ECT2L: variants seen among roughly 807,000 people sequenced by gnomAD.
The protein encoded by ECT2L is epithelial cell transforming 2 like, also known as epithelial cell-transforming sequence 2 oncogene-like.
In ECT2L, 126 loss-of-function variants were observed where a neutral mutation model predicts 122.8. The ratio of observed to expected loss-of-function variants is 1.03; its 90% CI spans 0.89 to 1.19. The LOEUF is 1.19. Among genes scored for constraint, ECT2L ranks in the 50% most tolerant of loss-of-function variants. The pLI is 0.00. For missense variants in ECT2L, 1,012 were observed against 1,064.1 expected (o/e 0.95, Z 0.68); for synonymous variants, 385 against 381.8 (o/e 1.01, Z -0.10).
In ECT2L at chr6:138,798,835, G is replaced by A. The variant is rs540010489; in HGVS notation, c.-244+2643G>A. On this transcript the variant is annotated intron_variant, in intron 1 of 21. Transcript: ENST00000541398. The stretch of plus-strand genomic sequence containing the variant: ...AGACAAGAATGAAAACCTAACTTAG[G>A]AGTATGTGCCTGTAATAATCGCTGA... Among the ~76,000 whole-genome samples, 81 of 152,298 alleles carry A rather than the reference G, an allele frequency of 5.3e-4. No individual in the cohort carries two copies. In the Middle Eastern group the frequency reaches 0.014, roughly 26 times the overall value.
chr6:138,841,407 C>A (rs1777035987), intron 5 of ECT2L, among the ~76,000 whole-genome samples: 1 of 152,208 alleles, frequency 6.6e-6, no homozygotes, highest in Admixed American at 6.5e-5. Flanking sequence ...GTGCTAGGAA[C>A]AAATCCTACA....
rs1167393701 is a variant in ECT2L at position 138,903,044 on chromosome 6, G to C, written c.*417G>C. Reference sequence around the variant, plus strand: ...GATTTACCATTTTTAACATTTTCATGAAACAATTATTGATTTAAAATATGG... The same window carrying C: ...GATTTACCATTTTTAACATTTTCATCAAACAATTATTGATTTAAAATATGG... On this transcript the variant is annotated 3_prime_UTR_variant, in exon 22 of 22. Transcript: ENST00000541398. 1 of 167,862 alleles carries C rather than the reference G, an allele frequency of 6.0e-6. No individual in the cohort carries two copies. The highest frequency in any genetic ancestry group is 1.3e-5 in the Non-Finnish European group (1 of 79,384). The allele number at this position is 167,862 out of a possible 1,614,324, so 10.4% of individuals were successfully genotyped here.
intron 19 of ECT2L, among the ~76,000 whole-genome samples, chr6:138,887,161 G>C (rs1002405145): frequency 6.6e-6 from 1 of 151,996 alleles, no homozygotes; most frequent in Non-Finnish European, 1.5e-5. Context: ...CTCCTTTATT[G>C]GTATTACTGT....
intron 9 of ECT2L, among the ~76,000 whole-genome samples, chr6:138,851,013 A>AAAAAAAAAAAAAAAAAAAAAG (rs1562474231): frequency 6.7e-6 from 1 of 148,228 alleles, no homozygotes; most frequent in African/African-American, 2.6e-5. Flanking sequence ...AAAAAAAAAA[A>AAAAAAAAAAAAAAAAAAAAAG]AAAAAAAAAA....
intron 8 of ECT2L, among the ~76,000 whole-genome samples, chr6:138,847,929 C>G (rs1777293807): frequency 6.6e-6 from 1 of 152,156 alleles, no homozygotes; most frequent in Non-Finnish European, 1.5e-5. Context: ...CTCACAGTTT[C>G]ACGTGGCAAG....
chr6:138,893,793 T>C (rs1779119739), intron 20 of ECT2L, among the ~76,000 whole-genome samples: 1 of 152,078 alleles, frequency 6.6e-6, no homozygotes, highest in Non-Finnish European at 1.5e-5. Flanking sequence ...ACTCACACCA[T>C]TGTGTGAGCC....
chr6:138,832,086 A>AT (rs1164327129), intron 4 of ECT2L, among the ~76,000 whole-genome samples: 1 of 152,074 alleles, frequency 6.6e-6, no homozygotes. Context: ...TTTGCTTAAG[A>AT]TTCTCTAGTT....
At chr6:138,838,191 G>A (rs983413559) in intron 4 of ECT2L, among the ~76,000 whole-genome samples, 161 bp from the exon 5 acceptor site, 1 of 152,032 alleles carries the variant, frequency 6.6e-6, no homozygotes, top group Non-Finnish European at 1.5e-5. Flanking sequence ...CATGAGCCAC[G>A]GCACCTGGCC....
At chr6:138,893,489 C>T (rs1171781853) in intron 20 of ECT2L, among the ~76,000 whole-genome samples, 2 of 151,786 alleles carry the variant, frequency 1.3e-5, no homozygotes, top group African/African-American at 2.4e-5. Context: ...GGCCTGAGCT[C>T]GGCTCACCAC....
intron 12 of ECT2L, among the ~76,000 whole-genome samples, chr6:138,865,565 C>T (rs1265835696): frequency 6.6e-6 from 1 of 152,172 alleles, no homozygotes; most frequent in South Asian, 2.1e-4. Flanking sequence ...AATTAAAGTT[C>T]TATTTATTTT....
At chr6:138,875,837 C>T (rs1268397483) in intron 13 of ECT2L, among the ~76,000 whole-genome samples, 1 of 152,140 alleles carries the variant, frequency 6.6e-6, no homozygotes, top group Non-Finnish European at 1.5e-5. Flanking sequence ...AACCTGTTAC[C>T]TGGCCAGACT....
intron 15 of ECT2L, among the ~76,000 whole-genome samples, chr6:138,881,985 C>T (rs528890561): frequency 4.6e-5 from 7 of 152,182 alleles, no homozygotes; most frequent in East Asian, 1.9e-4. Flanking sequence ...GAGAGTCATA[C>T]GCTCCTTCCT....
intron 9 of ECT2L, among the ~76,000 whole-genome samples, chr6:138,849,643 A>C (rs528054387): frequency 6.7e-6 from 1 of 148,274 alleles, no homozygotes; most frequent in South Asian, 2.1e-4. Context: ...ATCACGGCTC[A>C]CTGCAGCCTG....
chr6:138,869,731 T>A (rs937284487), intron 13 of ECT2L, among the ~76,000 whole-genome samples: 1 of 152,178 alleles, frequency 6.6e-6, no homozygotes, highest in African/African-American at 2.4e-5. Flanking sequence ...TGCTCAAACC[T>A]ATAGCCTGAG....
chr6:138,876,671 A>T (rs1005965597), intron 14 of ECT2L, 113 bp downstream of exon 14: 5 of 78,872 alleles, frequency 6.3e-5, no homozygotes, highest in Non-Finnish European at 7.8e-5. Flanking sequence ...TTGGGGGATT[A>T]AAAAAAAAAA....
At position 138,865,016 on chromosome 6, in the gene ECT2L, T is replaced by C. The variant is rs758131540; in HGVS notation, c.1312T>C (p.Ser438Pro). The change falls in exon 12 of 22, where the codon TCC (serine) becomes CCC (proline). Residue 438 changes from serine (S) to proline (P), a missense_variant. Coordinates refer to ENST00000541398, the MANE Select transcript of ECT2L (RefSeq NM_001077706.3). ...YQHILSDWLG[S>P]QWGKAPSSIY... ...GTCAGTTCTTAGTGATTGGCTGGGA[T>C]CCCAATGGGGAAAGGCCCCCTCTTC... The C allele has an allele frequency of 6.2e-7, 1 of 1,613,286 alleles. No individual in the cohort carries two copies.
At chr6:138,799,561 C>CTT (rs961440911) in intron 1 of ECT2L, among the ~76,000 whole-genome samples, 3 of 149,468 alleles carry the variant, frequency 2.0e-5, no homozygotes, top group African/African-American at 7.4e-5. Context: ...GGCCTCTTTT[C>CTT]TTTTTTTTTG....
rs574254288 is a variant in ECT2L at position 138,845,915 on chromosome 6, CA to C, written c.765-615del. On this transcript the variant is annotated intron_variant, in intron 7 of 21. Transcript: ENST00000541398. The stretch of plus-strand genomic sequence containing the variant: ...GCGAGACCCCATCTTTCCCCCCACC[CA>C]AAAAAAAATCTGGGTGTGATGGTAC... Among the ~76,000 whole-genome samples the C allele has an allele frequency of 3.0e-3, 454 of 150,674 alleles. 1 individual carries two copies. Among genetic ancestry groups the C allele is most frequent in the Middle Eastern group, 0.014 (4 of 292 alleles).
chr6:138,818,780 G>A (rs1036628396), intron 4 of ECT2L, among the ~76,000 whole-genome samples: 1 of 152,020 alleles, frequency 6.6e-6, no homozygotes, highest in Non-Finnish European at 1.5e-5. Flanking sequence ...TGAATACACT[G>A]ACCCAACAGG....
Sources: gnomAD v4.1 joint callset for allele counts (sites outside exome capture counted in the v4.1 genomes callset) on GRCh38, gnomAD v4.1.1 for gene constraint, MANE v1.5 for transcripts, NCBI Gene and HGNC (gene_info 2026-07-23, HGNC 2026-07-21) for gene names.